TAB2: variants seen among roughly 807,000 people sequenced by gnomAD.
TAB2 encodes the protein TGF-beta-activated kinase 1 and MAP3K7-binding protein 2.
In TAB2, 3 loss-of-function variants were observed where a neutral mutation model predicts 65.0. That is an observed-to-expected ratio of 0.05 (90% CI 0.02 to 0.12). TAB2 has a LOEUF of 0.12. Ranked by LOEUF, TAB2 falls within the 10% of genes least tolerant of loss-of-function variation. The probability of loss-of-function intolerance (pLI) is 1.00; values close to 1 mark genes in which losing one functional copy is unlikely to be tolerated. For synonymous variants in TAB2, 298 were observed against 285.1 expected (o/e 1.05, Z -0.46); for missense variants, 623 against 840.3 (o/e 0.74, Z 3.20).
intron 1 of TAB2, among the ~76,000 whole-genome samples, chr6:149,345,276 T>C (rs1349959538): frequency 2.0e-5 from 3 of 152,122 alleles, no homozygotes; most frequent in Non-Finnish European, 4.4e-5. Context: ...GACCTACATA[T>C]ATAAATTCAT....
chr6:149,307,745 T>G (rs1779095078), intron 1 of TAB2, among the ~76,000 whole-genome samples: 1 of 152,196 alleles, frequency 6.6e-6, no homozygotes, highest in African/African-American at 2.4e-5. Flanking sequence ...TCAGAAATAT[T>G]TAAGGAACAA....
intron 1 of TAB2, among the ~76,000 whole-genome samples, chr6:149,318,416 G>GA (rs1369953390): frequency 2.4e-5 from 3 of 126,432 alleles, no homozygotes; most frequent in Non-Finnish European, 4.8e-5. Flanking sequence ...GGCGGGGGAG[G>GA]AAAAATCTCC....
At chr6:149,407,536 A>G (rs1366254414) in intron 6 of TAB2, among the ~76,000 whole-genome samples, 2 of 152,186 alleles carry the variant, frequency 1.3e-5, no homozygotes, top group Non-Finnish European at 2.9e-5. Flanking sequence ...AAGTTTTTAC[A>G]TGAAAGATAG....
At chr6:149,385,752 A>G (rs1449587483) in intron 3 of TAB2, among the ~76,000 whole-genome samples, 2 of 152,154 alleles carry the variant, frequency 1.3e-5, no homozygotes, top group Admixed American at 6.5e-5. Context: ...TTCTTATGAG[A>G]CACAAACTGC....
chr6:149,327,028 A>G (rs919711135), intron 1 of TAB2, among the ~76,000 whole-genome samples: 107 of 152,204 alleles, frequency 7.0e-4, no homozygotes, highest in African/African-American at 2.6e-3. Context: ...ATGTTCAGCA[A>G]AGCTAATAAT....
rs540106348 is a variant in TAB2, at chr6:149,268,602, G to A, written c.-121+49826G>A. Among the ~76,000 whole-genome samples the A allele has an allele frequency of 1.2e-4, 18 of 152,348 alleles. No homozygotes were observed. In the Middle Eastern group the frequency reaches 0.01, roughly 87 times the overall value. On this transcript the variant is annotated intron_variant, in intron 1 of 1. Coordinates refer to the TAB2 transcript ENST00000606202. ...CAATTGGACTTAGTGTAACATCAGT[G>A]TAACACCTTAAAATAATAACACGAG...
At chr6:149,254,887 A>G (rs965690547) in intron 1 of TAB2, among the ~76,000 whole-genome samples, 1 of 152,248 alleles carries the variant, frequency 6.6e-6, no homozygotes, top group African/African-American at 2.4e-5. Context: ...ACAAAATTTT[A>G]GCTATAAAAT....
intron 1 of TAB2, among the ~76,000 whole-genome samples, chr6:149,280,409 C>A (rs753646425): frequency 6.6e-6 from 1 of 152,112 alleles, no homozygotes; most frequent in Non-Finnish European, 1.5e-5. Context: ...ATTAGGAGCC[C>A]ATTTATTTCA....
rs1562422713 is a variant in TAB2 at position 149,339,593 on chromosome 6, A to ATTTTTTT, written c.-90+21581_-90+21582insTTTTTTT. On this transcript the variant is annotated intron_variant, in intron 1 of 6. Coordinates refer to ENST00000637181, the MANE Select transcript of TAB2 (RefSeq NM_001292034.3). ...GCCCAATAATTAATCTTTTTTATTT[A>ATTTTTTT]TTTATTTATTTATTTTTTTTTTTTT... Among the ~76,000 whole-genome samples, 60 of 15,424 alleles carry ATTTTTTT rather than the reference A, an allele frequency of 3.9e-3. 1 individual carries two copies. Among genetic ancestry groups the ATTTTTTT allele is most frequent in the African/African-American group, 4.9e-3 (57 of 11,684 alleles). The allele number at this position is 15,424 out of a possible 152,430, so 10.1% of individuals were successfully genotyped here.
intron 1 of TAB2, among the ~76,000 whole-genome samples, chr6:149,223,934 A>T (rs1377659021): frequency 6.6e-6 from 1 of 152,172 alleles, no homozygotes; most frequent in African/African-American, 2.4e-5. Flanking sequence ...TGTCATAAAT[A>T]ACTTTACTTA....
At chr6:149,368,472 G>A (rs1013600116) in intron 1 of TAB2, among the ~76,000 whole-genome samples, 3 of 152,040 alleles carry the variant, frequency 2.0e-5, no homozygotes, top group African/African-American at 7.2e-5. Flanking sequence ...CCCAAAATTG[G>A]GGGAAGAGGG....
chr6:149,270,192 C>A (rs1484683879), intron 1 of TAB2, among the ~76,000 whole-genome samples: 2 of 152,244 alleles, frequency 1.3e-5, no homozygotes, highest in Middle Eastern at 6.8e-3. Flanking sequence ...TAATTATTAG[C>A]GATGTAAAAC....
chr6:149,325,075 C>A (rs1342453220), intron 1 of TAB2, among the ~76,000 whole-genome samples: 1 of 152,130 alleles, frequency 6.6e-6, no homozygotes, highest in East Asian at 1.9e-4. Context: ...TCTCAGCCCC[C>A]ACCTCTTTAA....
chr6:149,288,650 C>T (rs546364798), intron 1 of TAB2, among the ~76,000 whole-genome samples: 30 of 152,238 alleles, frequency 2.0e-4, no homozygotes, highest in African/African-American at 7.2e-4. Flanking sequence ...CATGAAGGAA[C>T]TTGAAATACA....
chr6:149,273,339 A>G lies in TAB2; in HGVS notation c.-121+54563A>G, dbSNP rs1778399359. On this transcript the variant is annotated intron_variant, in intron 1 of 1. Coordinates refer to the TAB2 transcript ENST00000606202. Reference sequence around the variant, plus strand: ...GAAATGGCAGGTCTTAGACAAGGGCAGCAGTGAGAGGCATGCGTTTCTATT... The same window carrying G: ...GAAATGGCAGGTCTTAGACAAGGGCGGCAGTGAGAGGCATGCGTTTCTATT... Among the ~76,000 whole-genome samples, 3 of 152,366 alleles carry G rather than the reference A, an allele frequency of 2.0e-5. No individual in the cohort carries two copies. In the South Asian group the frequency reaches 6.2e-4, roughly 32 times the overall value.
chr6:149,323,460 A>C (rs563216567), intron 1 of TAB2, among the ~76,000 whole-genome samples: 4 of 152,292 alleles, frequency 2.6e-5, no homozygotes, highest in African/African-American at 9.6e-5. Flanking sequence ...AATTTCAATG[A>C]AAGTGTAGAT....
chr6:149,277,262 T>C (rs961446120), intron 1 of TAB2, among the ~76,000 whole-genome samples: 1 of 152,144 alleles, frequency 6.6e-6, no homozygotes, highest in Non-Finnish European at 1.5e-5. Flanking sequence ...TTGTGTGTAA[T>C]AGCAAAAGAT....
At chr6:149,367,490 A>C (rs9498332) in intron 1 of TAB2, among the ~76,000 whole-genome samples, 35,878 of 152,000 alleles carry the variant, frequency 0.24, 4,421 homozygotes, top group Non-Finnish European at 0.26. Context: ...ATGAAGTTAG[A>C]GGGGTGGTAG....
At chr6:149,313,632 T>A (rs1197601989), upstream of TAB2, among the ~76,000 whole-genome samples, 2 of 152,226 alleles carry the variant, frequency 1.3e-5, no homozygotes, top group Non-Finnish European at 2.9e-5. Context: ...CTGAGGACTA[T>A]TACAAAAATC....
Sources: allele counts gnomAD v4.1 joint callset (sites outside exome capture counted in the v4.1 genomes callset), GRCh38; gene constraint gnomAD v4.1.1; transcripts MANE v1.5; gene names NCBI Gene and HGNC (gene_info 2026-07-23, HGNC 2026-07-21).